FBN1: variants seen among roughly 807,000 people sequenced by gnomAD.
FBN1 encodes fibrillin-1.
Under a neutral mutation model 365.1 loss-of-function variants are expected in FBN1, and 29 were observed. The ratio of observed to expected loss-of-function variants is 0.08; its 90% CI spans 0.06 to 0.11. The LOEUF is 0.11. FBN1 is among the 10% of genes least tolerant of loss of function. FBN1 has a pLI of 1.00. For missense variants in FBN1, 2,476 were observed against 3,703.2 expected, an observed-to-expected ratio of 0.67 and a Z score of 8.60; for synonymous variants, 1,210 against 1,270.5, an observed-to-expected ratio of 0.95 and a Z score of 1.01.
At chr15:48,448,018 A>G (rs1340820385) in intron 46 of FBN1, among the ~76,000 whole-genome samples, 2 of 152,188 alleles carry the variant, frequency 1.3e-5, no homozygotes, top group African/African-American at 4.8e-5. Flanking sequence ...TTAGCTGCCC[A>G]GTGATGAGTA....
intron 9 of FBN1, among the ~76,000 whole-genome samples, chr15:48,521,440 T>A (rs189208899): frequency 6.6e-6 from 1 of 152,236 alleles, no homozygotes; most frequent in Non-Finnish European, 1.5e-5. Flanking sequence ...TAGTTATTTA[T>A]AACTTCAAAA....
At chr15:48,490,144 A>G (rs2043546413) in intron 24 of FBN1, 66 bp from the exon 25 acceptor site, 2 of 1,320,890 alleles carry the variant, frequency 1.5e-6, no homozygotes, top group Non-Finnish European at 2.2e-6. Flanking sequence ...AACTGCCAAC[A>G]CTCTGTTAGG....
chr15:48,599,955 C>A (rs1036813333), intron 5 of FBN1, among the ~76,000 whole-genome samples, 184 bp downstream of exon 5: 1 of 152,130 alleles, frequency 6.6e-6, no homozygotes, highest in African/African-American at 2.4e-5. Flanking sequence ...AATCAAGGTT[C>A]CAATTGGAAA....
chr15:48,567,208 C>T (rs934309513), intron 6 of FBN1, among the ~76,000 whole-genome samples: 1 of 152,138 alleles, frequency 6.6e-6, no homozygotes, highest in African/African-American at 2.4e-5. Context: ...CCTTTAGGAA[C>T]GTTTTTATCA....
intron 54 of FBN1, 60 bp downstream of exon 54, chr15:48,434,534 C>G: frequency 6.2e-7 from 1 of 1,605,116 alleles, no homozygotes. Context: ...GACTTGTAAT[C>G]AACCAATTGT....
intron 1 of FBN1, among the ~76,000 whole-genome samples, chr15:48,645,294 C>T (rs1467146888): frequency 6.6e-6 from 1 of 152,218 alleles, no homozygotes. Context: ...ACTCCTCAGC[C>T]TGCCCTCTCC....
intron 6 of FBN1, among the ~76,000 whole-genome samples, chr15:48,562,822 T>C (rs905441335): frequency 6.6e-6 from 1 of 152,192 alleles, no homozygotes; most frequent in Non-Finnish European, 1.5e-5. Flanking sequence ...TAATTTAAAC[T>C]GGAAGGGAAA....
chr15:48,433,053 G>C, intron 54 of FBN1, 65 bp from the exon 55 acceptor site: 1 of 1,579,800 alleles, frequency 6.3e-7, no homozygotes, highest in Non-Finnish European at 8.7e-7. Context: ...CCTACCAATT[G>C]AACTAAAACT....
intron 2 of FBN1, among the ~76,000 whole-genome samples, chr15:48,620,265 A>G (rs1889741675): frequency 6.6e-6 from 1 of 152,224 alleles, no homozygotes; most frequent in Non-Finnish European, 1.5e-5. Context: ...GATGTATGTA[A>G]TGTTACACAT....
chr15:48,437,494 A>G, intron 51 of FBN1, 107 bp from the exon 52 acceptor site: 1 of 1,041,508 alleles, frequency 9.6e-7, no homozygotes, highest in Non-Finnish European at 1.5e-6. Flanking sequence ...ATATTGATAA[A>G]TGATGGAAAA....
At position 48,623,994 on chromosome 15, in the gene FBN1, C is replaced by T. The variant is rs75886520; in HGVS notation, c.165-10902G>A. ...ACACACACACACACACACACACACA[C>T]ACGCACAGCCTAAGAAAATTAGGAA... On this transcript the variant is annotated intron_variant, in intron 2 of 65. Transcript: ENST00000316623. 0.015 allele frequency among the ~76,000 whole-genome samples: 2,213 copies of T among 151,618 alleles called. 185 individuals are homozygous for T. The East Asian group carries it at 0.23, about 16-fold the overall frequency.
At chr15:48,619,747 T>G (rs1360516657) in intron 2 of FBN1, among the ~76,000 whole-genome samples, 1 of 152,098 alleles carries the variant, frequency 6.6e-6, no homozygotes, top group Non-Finnish European at 1.5e-5. Flanking sequence ...GTTTCTTGTT[T>G]TTTTGTGACT....
chr15:48,529,710 G>A (rs2043951224), intron 8 of FBN1: 1 of 151,144 alleles, frequency 6.6e-6, no homozygotes, highest in Non-Finnish European at 1.5e-5. Context: ...CTGAGCCTGT[G>A]AGCTTAACTT....
intron 2 of FBN1, among the ~76,000 whole-genome samples, chr15:48,637,567 T>C (rs1324924600): frequency 1.3e-5 from 2 of 152,194 alleles, no homozygotes; most frequent in African/African-American, 4.8e-5. Flanking sequence ...TTCATATCCC[T>C]TTCCCTTGAT....
intron 1 of FBN1, 31 bp from the exon 2 acceptor site, chr15:48,644,981 G>A (rs1890270427): frequency 5.3e-6 from 2 of 378,598 alleles, no homozygotes; most frequent in Non-Finnish European, 4.5e-6. Context: ...CCCGAGGCGG[G>A]GAGACTTTCA....
chr15:48,469,241 G>T (rs760435651), intron 36 of FBN1, among the ~76,000 whole-genome samples: 1 of 142,436 alleles, frequency 7.0e-6, no homozygotes, highest in Non-Finnish European at 1.5e-5. Flanking sequence ...TTCAGACACA[G>T]GTTTTAAGAA....
rs1597564305 is a variant in FBN1 at position 48,488,442 on chromosome 15, C to A, written c.3134G>T (p.Arg1045Ile). The stretch of plus-strand genomic sequence containing the variant: ...GCACTTAAAGCTGCCAATGGTGTTT[C>A]TGCACTTGCCGTGGGTGCAGAGGCT... Reference protein sequence around the residue: ...IPSLCTHGKCRNTIGSFKCRC... With the variant: ...IPSLCTHGKCINTIGSFKCRC... The change falls in exon 26 of 66, where the codon AGA becomes ATA. Residue 1045 changes from arginine (R) to isoleucine (I), a missense_variant. Around this residue, in one of 5 missense-constraint regions of FBN1, gnomAD observed 1,780 missense variants for 2,840.8 expected, o/e 0.63. Coordinates refer to ENST00000316623, the MANE Select transcript of FBN1 (RefSeq NM_000138.5). The A allele has an allele frequency of 6.2e-7, 1 of 1,614,222 alleles. No homozygotes were observed. The highest frequency in any genetic ancestry group is 2.2e-5 in the East Asian group (1 of 44,886).
chr15:48,527,115 T>C (rs1330947952), intron 8 of FBN1, among the ~76,000 whole-genome samples: 1 of 152,190 alleles, frequency 6.6e-6, no homozygotes, highest in Non-Finnish European at 1.5e-5. Flanking sequence ...CAGCTTGCCT[T>C]CTCTGCACGC....
At chr15:48,555,521 C>T (rs2044172651) in intron 6 of FBN1, among the ~76,000 whole-genome samples, 1 of 152,156 alleles carries the variant, frequency 6.6e-6, no homozygotes, top group Admixed American at 6.6e-5. Flanking sequence ...TGAACATCTT[C>T]ATCTTCTGAG....
Sources: gnomAD v4.1 joint callset for allele counts (sites outside exome capture counted in the v4.1 genomes callset) on GRCh38, gnomAD v4.1.1 for gene constraint, gnomAD v4.1.1 regional missense constraint, MANE v1.5 for transcripts, NCBI Gene and HGNC (gene_info 2026-07-23, HGNC 2026-07-21) for gene names.